TNRC6A: variants seen among roughly 807,000 people sequenced by gnomAD.
TNRC6A encodes trinucleotide repeat containing adaptor 6A, also known as trinucleotide repeat-containing gene 6A protein.
A neutral mutation model predicts 221.2 loss-of-function variants in TNRC6A; 44 were observed. The observed-to-expected ratio is 0.20, with a 90% confidence interval of 0.16 to 0.26. The LOEUF is 0.26. Ranked by LOEUF, TNRC6A falls within the 10% of genes least tolerant of loss-of-function variation. TNRC6A has a pLI of 1.00. For synonymous variants in TNRC6A, 847 were observed against 838.5 expected, an observed-to-expected ratio of 1.01 and a Z score of -0.18; for missense variants, 2,199 against 2,404.4, an observed-to-expected ratio of 0.91 and a Z score of 1.79.
At chr16:24,696,471 C>T (rs2055863849) in intron 2 of TNRC6A, among the ~76,000 whole-genome samples, 1 of 151,734 alleles carries the variant, frequency 6.6e-6, no homozygotes, top group African/African-American at 2.4e-5. Flanking sequence ...CAGCTTACGC[C>T]TGTAATCCTA....
At chr16:24,645,160 T>G (rs1296889781) in intron 2 of TNRC6A, among the ~76,000 whole-genome samples, 1 of 152,266 alleles carries the variant, frequency 6.6e-6, no homozygotes, top group African/African-American at 2.4e-5. Context: ...CTAGTTCATC[T>G]TTATTGGAAT....
At chr16:24,620,823 C>A (rs760412511) in intron 1 of TNRC6A, among the ~76,000 whole-genome samples, 1 of 149,506 alleles carries the variant, frequency 6.7e-6, no homozygotes, top group South Asian at 2.1e-4. Flanking sequence ...CAGTGGCTCA[C>A]GCCTGTAATC....
intron 2 of TNRC6A, among the ~76,000 whole-genome samples, chr16:24,720,101 A>G (rs775401877): frequency 1.4e-4 from 22 of 152,216 alleles, no homozygotes; most frequent in Non-Finnish European, 2.9e-4. Context: ...GTTATAGAAC[A>G]TGTTAAAGGT....
At chr16:24,814,338 A>G (rs1349756863) in intron 18 of TNRC6A, among the ~76,000 whole-genome samples, 1 of 151,124 alleles carries the variant, frequency 6.6e-6, no homozygotes, top group East Asian at 1.9e-4. Context: ...TTCAACATGA[A>G]TGGAGGAGAC....
At chr16:24,678,310 CA>C (rs35383022) in intron 2 of TNRC6A, among the ~76,000 whole-genome samples, 1,675 of 84,612 alleles carry the variant, frequency 0.02, 16 homozygotes, top group Admixed American at 0.045. Context: ...GACCCTGTCT[CA>C]AAAAAAAAAA....
intron 2 of TNRC6A, among the ~76,000 whole-genome samples, chr16:24,682,661 A>G (rs940142069): frequency 6.6e-6 from 1 of 152,162 alleles, no homozygotes; most frequent in African/African-American, 2.4e-5. Flanking sequence ...ACTGTACCCT[A>G]GAGACTGAGA....
chr16:24,771,607 A>ATGTTATGTTATGTTC, intron 4 of TNRC6A, among the ~76,000 whole-genome samples: 1 of 96,872 alleles, frequency 1.0e-5, no homozygotes, highest in South Asian at 2.9e-4. Flanking sequence ...ATGTTATGTT[A>ATGTTATGTTATGTTC]TGTTATGTTA....
intron 18 of TNRC6A, among the ~76,000 whole-genome samples, chr16:24,812,019 A>ATTTTTTTTTTTTTTTTTTTTTTT (rs71156440): frequency 9.8e-5 from 4 of 40,854 alleles, no homozygotes; most frequent in Non-Finnish European, 1.3e-4. Context: ...TCACTTTGGG[A>ATTTTTTTTTTTTTTTTTTTTTTT]TTTTTTTTTT....
At chr16:24,811,977 G>C (rs1338315180) in intron 18 of TNRC6A, among the ~76,000 whole-genome samples, 1 of 130,190 alleles carries the variant, frequency 7.7e-6, no homozygotes, top group African/African-American at 2.9e-5. Context: ...ACAGACCTTT[G>C]ATTCTAAGTT....
chr16:24,688,352 T>C (rs191944877), intron 2 of TNRC6A, among the ~76,000 whole-genome samples: 2 of 152,254 alleles, frequency 1.3e-5, no homozygotes, highest in East Asian at 3.9e-4. Context: ...TGTACAGGCT[T>C]CTACAAGCTA....
At chr16:24,779,254 C>CT (rs2057789511) in intron 5 of TNRC6A, among the ~76,000 whole-genome samples, 1 of 152,034 alleles carries the variant, frequency 6.6e-6, no homozygotes, top group African/African-American at 2.4e-5. Flanking sequence ...GATGTGGAGG[C>CT]TAAGGTGGAA....
At chr16:24,708,377 T>G (rs1449960347) in intron 2 of TNRC6A, among the ~76,000 whole-genome samples, 1 of 151,788 alleles carries the variant, frequency 6.6e-6, no homozygotes, top group East Asian at 1.9e-4. Context: ...AATAGCTGGG[T>G]CTACAGGCAC....
rs775708886 is a variant in TNRC6A at position 24,791,075 on chromosome 16, A to G, written c.2433A>G (p.Thr811=). Residue 811 remains threonine (T), a synonymous_variant, in exon 6 of 25, where the codon ACA becomes ACG. Coordinates refer to ENST00000395799, the MANE Select transcript of TNRC6A (RefSeq NM_014494.4). ...GGTGGGAAGATGATTCTGCTGCTAC[A>G]GGAATGGTCAAGAGCAATCAGTGGG... is the stretch of plus-strand genomic sequence containing the variant. ...QGGWEDDSAA[T]GMVKSNQWGN... is the part of the protein sequence containing the mutation. 1.4e-4 allele frequency: 223 copies of G among 1,607,742 alleles called. No homozygotes were observed. Among genetic ancestry groups the G allele is most frequent in the Non-Finnish European group, 1.9e-4 (219 of 1,176,234 alleles).
In TNRC6A at chr16:24,788,211, A is replaced by G. The variant is rs541168880; in HGVS notation, c.590-1021A>G. ...CTGGTCATTAAACATCTCCAGTGTCAGCATTTGATTTTTTGAGATCATAAT... is the reference window on the plus strand; with the variant it reads ...CTGGTCATTAAACATCTCCAGTGTCGGCATTTGATTTTTTGAGATCATAAT... On this transcript the variant is annotated intron_variant, in intron 5 of 24. Transcript: ENST00000395799. 7.9e-5 allele frequency among the ~76,000 whole-genome samples: 12 copies of G among 152,354 alleles called. 1 individual carries two copies. The highest frequency in any genetic ancestry group is 2.6e-4 in the African/African-American group (11 of 41,588).
chr16:24,791,800 A>T lies in TNRC6A; in HGVS notation c.3158A>T (p.Glu1053Val), dbSNP rs764163396. 1.5e-5 allele frequency: 23 copies of T among 1,553,396 alleles called. No individual in the cohort carries two copies. The East Asian group carries it at 4.9e-4, about 33-fold the overall frequency. Reference protein sequence around the residue: ...LTPASAISNKEASSGSGWGEP... With the variant: ...LTPASAISNKVASSGSGWGEP... ...CCTGCAAGTGCCATCTCAAACAAAGAGGCAAGCAGTGGCTCTGGTAAGTTT... is the reference window on the plus strand; with the variant it reads ...CCTGCAAGTGCCATCTCAAACAAAGTGGCAAGCAGTGGCTCTGGTAAGTTT... The change falls in exon 6 of 25, where the codon GAG (glutamate) becomes GTG (valine). Residue 1053 changes from glutamate (E) to valine (V), a missense_variant. By Grantham distance (121) the Glu-to-Val change is moderately radical. This residue lies in a region of TNRC6A where 1,405 missense variants were observed against 1,400.2 expected (regional missense o/e 1.00). Coordinates refer to ENST00000395799, the MANE Select transcript of TNRC6A (RefSeq NM_014494.4).
chr16:24,681,666 T>C lies in TNRC6A; in HGVS notation n.402+40657T>C, dbSNP rs200669880. Among the ~76,000 whole-genome samples the C allele has an allele frequency of 2.0e-5, 3 of 152,342 alleles. No homozygotes were observed. In the East Asian group the frequency reaches 5.8e-4, roughly 29 times the overall value. On this transcript the variant is annotated intron_variant and non_coding_transcript_variant, in intron 2 of 2. Transcript: ENST00000566108. The stretch of plus-strand genomic sequence containing the variant: ...TGTAATTAGTCCAACTGTTAAAATA[T>C]AAGCTCCATGAAAACAGGGCTTTTT...
chr16:24,625,402 A>C (rs1900909963), intron 1 of TNRC6A, among the ~76,000 whole-genome samples: 1 of 152,182 alleles, frequency 6.6e-6, no homozygotes, highest in Admixed American at 6.6e-5. Context: ...TCACAAGGTC[A>C]GGAGTTCGAG....
chr16:24,710,296 C>A (rs73566467), intron 2 of TNRC6A, among the ~76,000 whole-genome samples: 11,879 of 151,606 alleles, frequency 0.078, 1,118 homozygotes, highest in East Asian at 0.36. Context: ...AACTTTTTTC[C>A]TCAACAAAAT....
intron 2 of TNRC6A, among the ~76,000 whole-genome samples, chr16:24,735,598 T>C (rs977880817): frequency 2.6e-5 from 4 of 152,218 alleles, no homozygotes; most frequent in Non-Finnish European, 5.9e-5. Context: ...AATCACAATC[T>C]GTAAACTTAA....
Sources: allele counts gnomAD v4.1 joint callset (sites outside exome capture counted in the v4.1 genomes callset), GRCh38; gene constraint gnomAD v4.1.1; regional missense constraint gnomAD v4.1.1; transcripts MANE v1.5; gene names NCBI Gene and HGNC (gene_info 2026-07-23, HGNC 2026-07-21).